Variants in PGM2 observed in about 807,000 individuals in gnomAD.
PGM2 encodes the protein phosphopentomutase.
In PGM2, 57 loss-of-function variants were observed where a neutral mutation model predicts 74.6. The ratio of observed to expected loss-of-function variants is 0.76; its 90% CI spans 0.62 to 0.95. The LOEUF is 0.95. Ranked by LOEUF, PGM2 falls within the 40% of genes least tolerant of loss-of-function variation. PGM2 has a pLI of 0.00. For missense variants in PGM2, 706 were observed against 741.9 expected (o/e 0.95, Z 0.56); for synonymous variants, 273 against 260.7 (o/e 1.05, Z -0.46).
chr4:37,841,843 T>TG (rs1725737962), intron 6 of PGM2, among the ~76,000 whole-genome samples: 2 of 152,206 alleles, frequency 1.3e-5, no homozygotes, highest in South Asian at 2.1e-4. Flanking sequence ...TGTGCGCGCG[T>TG]GCATGCACGT....
rs1725972178 is a variant in PGM2 at position 37,849,383 on chromosome 4, C to T, written c.1412+732C>T. On this transcript the variant is annotated intron_variant, in intron 11 of 13. Transcript: ENST00000381967. ...AGACCAGGCAGTCATTTGGTGATCCCTGGGGTAGATTGTTGGACCTCTTTT... is the reference window on the plus strand; with the variant it reads ...AGACCAGGCAGTCATTTGGTGATCCTTGGGGTAGATTGTTGGACCTCTTTT... Among the ~76,000 whole-genome samples the T allele has an allele frequency of 3.3e-5, 5 of 150,040 alleles. No individual in the cohort carries two copies. The South Asian group carries it at 8.4e-4, about 25-fold the overall frequency.
rs112186779 is a variant in PGM2 at position 37,846,913 on chromosome 4, GT to G, written c.1008-8del. 1.8e-3 allele frequency: 2,417 copies of G among 1,329,714 alleles called. 28 individuals are homozygous for G. The African/African-American group carries it at 0.03, about 16-fold the overall frequency. 82.4% of individuals were successfully genotyped at this position (1,329,714 alleles called of 1,614,324 possible). ...ATTATGGAAATGAATGGTGGTTGTT[GT>G]TTTTTTTTTCTTTCAGTGGTGAATG... On this transcript the variant is annotated splice_polypyrimidine_tract_variant and intron_variant, in intron 8 of 13. Coordinates refer to ENST00000381967, the MANE Select transcript of PGM2 (RefSeq NM_018290.4).
At chr4:37,852,971 C>T (rs1726094628) in intron 12 of PGM2, among the ~76,000 whole-genome samples, 1 of 152,042 alleles carries the variant, frequency 6.6e-6, no homozygotes, top group Admixed American at 6.6e-5. Context: ...AATCACCTCC[C>T]CTGCATTTTC....
intron 3 of PGM2, 23 bp downstream of exon 3, chr4:37,834,747 T>G (rs1420755348): frequency 1.8e-5 from 20 of 1,135,972 alleles, no homozygotes; most frequent in Non-Finnish European, 2.6e-5. Context: ...TTTTACAAAA[T>G]GATGTTTTTA....
At position 37,839,851 on chromosome 4, in the gene PGM2, TTCACAGTA is replaced by T. The variant is rs1184934402; in HGVS notation, c.451_458del (p.Val151PhefsTer19). Reference sequence around the variant, plus strand: ...CTTGTTTCCTGCTATGTTACAGCCCTTCACAGTATCACATTTGAAACTTTGTGCTGGAA... The same window carrying T: ...CTTGTTTCCTGCTATGTTACAGCCCTTCACATTTGAAACTTTGTGCTGGAA... On this transcript the variant is annotated frameshift_variant, in exon 5 of 14. Transcript: ENST00000381967. LOFTEE classifies it high-confidence loss of function. 1 of 1,568,302 alleles carries T rather than the reference TTCACAGTA, an allele frequency of 6.4e-7. No individual in the cohort carries two copies. Among genetic ancestry groups the T allele is most frequent in the South Asian group, 1.1e-5 (1 of 90,154 alleles).
At chr4:37,852,083 C>T (rs1726056967) in intron 12 of PGM2, among the ~76,000 whole-genome samples, 1 of 149,338 alleles carries the variant, frequency 6.7e-6, no homozygotes, top group African/African-American at 2.5e-5. Context: ...GATCCTCCCA[C>T]CTCACCCTCC....
Position 37,837,176 on chromosome 4 carries a change from AAGG to A in PGM2, c.357-350_357-348del, listed in dbSNP as rs1435171914. On this transcript the variant is annotated intron_variant, in intron 3 of 13. Coordinates refer to ENST00000381967, the MANE Select transcript of PGM2 (RefSeq NM_018290.4). Reference sequence around the variant, plus strand: ...GTTTCGAGACATTTCAGATGCCTGGAAGGAGAAGGTGCAGACTTGCCCTGGCTG... The same window carrying A: ...GTTTCGAGACATTTCAGATGCCTGGAAGAAGGTGCAGACTTGCCCTGGCTG... Among the ~76,000 whole-genome samples the A allele has an allele frequency of 3.9e-5, 6 of 152,340 alleles. 1 individual carries two copies. In the East Asian group the frequency reaches 1.2e-3, roughly 29 times the overall value.
rs776548771 is a variant in PGM2 at position 37,847,256 on chromosome 4, C to G, written c.1243C>G (p.Gln415Glu). Reference sequence around the variant, plus strand: ...AAACAGAGCCAAACAGCTAATAGACCAGGGGAAAACTGTTTTATTTGCATT... The same window carrying G: ...AAACAGAGCCAAACAGCTAATAGACGAGGGGAAAACTGTTTTATTTGCATT... ...MGNRAKQLID[Q>E]GKTVLFAFEE... The change falls in exon 10 of 14, where the codon CAG becomes GAG. Residue 415 changes from glutamine to glutamate, a missense_variant. Gln to Glu is a conservative substitution (Grantham distance 29). Around this residue, in one of 3 missense-constraint regions of PGM2, gnomAD observed 359 missense variants for 371.1 expected, o/e 0.97. Transcript: ENST00000381967. 6.2e-6 allele frequency: 10 copies of G among 1,613,698 alleles called. No homozygotes were observed. Among genetic ancestry groups the G allele is most frequent in the Non-Finnish European group, 7.6e-6 (9 of 1,179,664 alleles).
At chr4:37,833,953 C>T (rs1393113480) in intron 2 of PGM2, among the ~76,000 whole-genome samples, 1 of 152,168 alleles carries the variant, frequency 6.6e-6, no homozygotes, top group African/African-American at 2.4e-5. Context: ...CTACCTCTCA[C>T]CAGCCCTGGA....
chr4:37,840,682 C>T (rs1295989608), intron 6 of PGM2, among the ~76,000 whole-genome samples: 2 of 152,114 alleles, frequency 1.3e-5, no homozygotes, highest in South Asian at 2.1e-4. Context: ...ACCACGCCCA[C>T]CCAGCTGCAT....
intron 4 of PGM2, among the ~76,000 whole-genome samples, chr4:37,838,757 T>C (rs1725630721): frequency 6.6e-6 from 1 of 152,214 alleles, no homozygotes; most frequent in South Asian, 2.1e-4. Context: ...TAAGTGTTAA[T>C]AGCTATTAAT....
At chr4:37,855,261 C>G (rs796842206) in intron 12 of PGM2, among the ~76,000 whole-genome samples, 1 of 152,158 alleles carries the variant, frequency 6.6e-6, no homozygotes, top group Non-Finnish European at 1.5e-5. Flanking sequence ...TGAGTTCAAC[C>G]TTTTCGGATT....
chr4:37,835,089 C>G (rs963589320), intron 3 of PGM2, among the ~76,000 whole-genome samples: 2 of 152,180 alleles, frequency 1.3e-5, no homozygotes, highest in Non-Finnish European at 2.9e-5. Flanking sequence ...GAAACATTCT[C>G]AAACCAATGG....
At chr4:37,826,892 C>T in intron 1 of PGM2, 79 bp downstream of exon 1, 1 of 830,050 alleles carries the variant, frequency 1.2e-6, no homozygotes, top group Middle Eastern at 3.4e-4. Flanking sequence ...GCTGCTTGCT[C>T]TGCCTGAGCT....
chr4:37,837,644 G>A (rs938790772), intron 4 of PGM2, 31 bp downstream of exon 4: 1 of 1,390,876 alleles, frequency 7.2e-7, no homozygotes, highest in Non-Finnish European at 1.0e-6. Context: ...ATAATTTCCT[G>A]TCACATGATC....
At chr4:37,861,424 A>C (rs147430185) in intron 13 of PGM2, 86 bp from the exon 14 acceptor site, 1 of 820,980 alleles carries the variant, frequency 1.2e-6, no homozygotes, top group East Asian at 2.4e-5. Flanking sequence ...TTATATTTTC[A>C]TTGTCACTTG....
chr4:37,858,057 C>T (rs906169913), intron 13 of PGM2, among the ~76,000 whole-genome samples: 2 of 151,980 alleles, frequency 1.3e-5, no homozygotes, highest in African/African-American at 2.4e-5. Context: ...TCTTATACTT[C>T]GGAAAGCTTT....
intron 3 of PGM2, among the ~76,000 whole-genome samples, chr4:37,836,503 A>G (rs1451972964): frequency 6.6e-6 from 1 of 152,226 alleles, no homozygotes; most frequent in Non-Finnish European, 1.5e-5. Flanking sequence ...TGTTAAGTAT[A>G]TGCAGAGAAC....
rs11358189 is a variant in PGM2 at position 37,853,359 on chromosome 4, CTTTTTT to C, written c.1603-2231_1603-2226del. On this transcript the variant is annotated intron_variant, in intron 12 of 13. Transcript: ENST00000381967. Reference sequence around the variant, plus strand: ...TGCTGTGTTGCCCAGGGTGATATTCCTTTTTTTTTTTTTTTTTTTTTTTAATGTAAA... The same window carrying C: ...TGCTGTGTTGCCCAGGGTGATATTCCTTTTTTTTTTTTTTTTTAATGTAAA... Among the ~76,000 whole-genome samples, 195 of 125,136 alleles carry C rather than the reference CTTTTTT, an allele frequency of 1.6e-3. 1 individual carries two copies. The highest frequency in any genetic ancestry group is 0.013 in the Middle Eastern group (3 of 226). The allele number at this position is 125,136 out of a possible 152,430, so 82.1% of individuals were successfully genotyped here. A position where few individuals can be genotyped will look rare whatever the true frequency, so the allele number is the denominator to read the frequency against.
Sources: allele counts gnomAD v4.1 joint callset (sites outside exome capture counted in the v4.1 genomes callset), GRCh38; gene constraint gnomAD v4.1.1; regional missense constraint gnomAD v4.1.1; transcripts MANE v1.5; gene names NCBI Gene and HGNC (gene_info 2026-07-23, HGNC 2026-07-21).